MCPH1: variants seen among roughly 807,000 people sequenced by gnomAD.
MCPH1 encodes the protein microcephalin 1, also known as microcephalin.
A neutral mutation model predicts 84.5 loss-of-function variants in MCPH1; 104 were observed. That is an observed-to-expected ratio of 1.23 (90% CI 1.05 to 1.45). MCPH1 has a LOEUF of 1.45. Among genes scored for constraint, MCPH1 ranks in the 40% most tolerant of loss-of-function variants. The pLI, the probability that MCPH1 is intolerant of heterozygous loss-of-function variation, is 0.00. For synonymous variants in MCPH1, 514 were observed against 366.8 expected (o/e 1.40, Z -4.58); for missense variants, 1,498 against 1,005.7 (o/e 1.49, Z -6.62).
chr8:6,455,107 A>G, intron 8 of MCPH1, 36 bp from the exon 9 acceptor site: 1 of 1,515,718 alleles, frequency 6.6e-7, no homozygotes, highest in Non-Finnish European at 9.2e-7. Context: ...GGTCCATGTA[A>G]AGTTCTAACT....
intron 7 of MCPH1, 130 bp downstream of exon 7, chr8:6,442,286 C>G (rs1294652095): frequency 7.6e-6 from 5 of 659,854 alleles, no homozygotes; most frequent in Middle Eastern, 6.7e-4. Flanking sequence ...TCTAAATTTC[C>G]CCCTGAAATT....
chr8:6,537,120 C>A (rs1820644826), intron 12 of MCPH1, among the ~76,000 whole-genome samples: 1 of 152,074 alleles, frequency 6.6e-6, no homozygotes, highest in Non-Finnish European at 1.5e-5. Flanking sequence ...TTGAACCTCC[C>A]GTGGGAGGGG....
chr8:6,477,588 C>T lies in MCPH1; in HGVS notation c.1936-6C>T. On this transcript the variant is annotated splice_polypyrimidine_tract_variant and splice_region_variant and intron_variant, in intron 9 of 13. Coordinates refer to ENST00000344683, the MANE Select transcript of MCPH1 (RefSeq NM_024596.5). The stretch of plus-strand genomic sequence containing the variant: ...TTTTTTGTTCCTTCTTGTTTGAAAT[C>T]TCTAGCCAACAAGAACATTAGTCAT... 1 of 1,611,738 alleles carries T rather than the reference C, an allele frequency of 6.2e-7. No individual in the cohort carries two copies. Among genetic ancestry groups the T allele is most frequent in the Non-Finnish European group, 8.5e-7 (1 of 1,178,462 alleles).
chr8:6,413,943 C>T (rs1296960536), intron 2 of MCPH1, among the ~76,000 whole-genome samples: 2 of 152,060 alleles, frequency 1.3e-5, no homozygotes, highest in Middle Eastern at 3.2e-3. Context: ...TTAGTAGAGA[C>T]AGGGTTTTTC....
intron 11 of MCPH1, among the ~76,000 whole-genome samples, chr8:6,486,878 A>G (rs537109148): frequency 6.6e-6 from 1 of 152,344 alleles, no homozygotes; most frequent in East Asian, 1.9e-4. Flanking sequence ...GAACCTTTAA[A>G]TACTCTTTAT....
intron 11 of MCPH1, among the ~76,000 whole-genome samples, chr8:6,490,540 A>C (rs1163535174): frequency 6.6e-6 from 1 of 152,166 alleles, no homozygotes; most frequent in Non-Finnish European, 1.5e-5. Context: ...TTAGCTTTTG[A>C]AGAGAGCTGA....
rs904479185 is a variant in MCPH1, at chr8:6,647,113, TAAAG to T, written c.*4068_*4071del. On this transcript the variant is annotated 3_prime_UTR_variant, in exon 14 of 14. Transcript: ENST00000344683. ...AACTCATAACTCATTAATAAAAGGA[TAAAG>T]AAAAAGCTGAAGACAATTCATGCAA... 2.6e-5 allele frequency: 4 copies of T among 151,814 alleles called. No individual in the cohort carries two copies. The highest frequency in any genetic ancestry group is 9.7e-5 in the African/African-American group (4 of 41,292). 9.4% of individuals were successfully genotyped at this position (151,814 alleles called of 1,614,324 possible). A position where few individuals can be genotyped will look rare whatever the true frequency, so the allele number is the denominator to read the frequency against.
chr8:6,411,999 A>C (rs1563167413), intron 2 of MCPH1, among the ~76,000 whole-genome samples: 1 of 152,144 alleles, frequency 6.6e-6, no homozygotes, highest in Non-Finnish European at 1.5e-5. Flanking sequence ...GAGAAAAGAT[A>C]ATCGAAGGCA....
intron 12 of MCPH1, among the ~76,000 whole-genome samples, chr8:6,607,811 G>A (rs1829914927): frequency 1.3e-5 from 2 of 152,216 alleles, no homozygotes; most frequent in South Asian, 4.1e-4. Flanking sequence ...GGCCTCCCCA[G>A]GCAGGTGGAA....
intron 12 of MCPH1, among the ~76,000 whole-genome samples, chr8:6,539,895 A>G (rs1821227227): frequency 6.6e-6 from 1 of 152,206 alleles, no homozygotes; most frequent in Non-Finnish European, 1.5e-5. Context: ...CCATTTAATA[A>G]TTTATGAGTG....
intron 12 of MCPH1, chr8:6,502,801 TGGTTGTG>T: frequency 2.6e-6 from 1 of 384,068 alleles, no homozygotes; most frequent in Non-Finnish European, 4.8e-6. Flanking sequence ...ATAACATTCT[TGGTTGTG>T]ACAGCAGCGT....
At chr8:6,503,440 T>G (rs1812604152) in intron 12 of MCPH1, among the ~76,000 whole-genome samples, 1 of 152,178 alleles carries the variant, frequency 6.6e-6, no homozygotes, top group South Asian at 2.1e-4. Context: ...CATACACCCA[T>G]GACATCACAG....
intron 12 of MCPH1, among the ~76,000 whole-genome samples, chr8:6,609,575 C>T (rs1830072654): frequency 6.6e-6 from 1 of 152,206 alleles, no homozygotes; most frequent in African/African-American, 2.4e-5. Context: ...TACATTCCGC[C>T]TTCCTTTAAC....
intron 12 of MCPH1, among the ~76,000 whole-genome samples, chr8:6,587,595 T>C (rs1411768130): frequency 6.6e-6 from 1 of 152,246 alleles, no homozygotes; most frequent in Non-Finnish European, 1.5e-5. Flanking sequence ...TGTATGTAGC[T>C]ATAAATCACT....
At chr8:6,564,554 A>G (rs932443268) in intron 12 of MCPH1, among the ~76,000 whole-genome samples, 1 of 142,594 alleles carries the variant, frequency 7.0e-6, no homozygotes, top group African/African-American at 2.5e-5. Flanking sequence ...CCAAGTGTAC[A>G]TAGGGAAAAA....
Position 6,477,636 on chromosome 8 carries a change from G to T in MCPH1, c.1973+5G>T. 2 of 1,611,596 alleles carry T rather than the reference G, an allele frequency of 1.2e-6. No individual in the cohort carries two copies. Among genetic ancestry groups the T allele is most frequent in the South Asian group, 1.1e-5 (1 of 91,002 alleles). ...CATGACAAGCATGCCATCTGAGTAAGTACTTGTTTTGATTTCTGTTCAATG... is the reference window on the plus strand; with the variant it reads ...CATGACAAGCATGCCATCTGAGTAATTACTTGTTTTGATTTCTGTTCAATG... On this transcript the variant is annotated splice_donor_5th_base_variant and intron_variant, in intron 10 of 13. Transcript: ENST00000344683.
chr8:6,553,665 A>ATTTT (rs752171739), intron 12 of MCPH1, among the ~76,000 whole-genome samples: 1 of 142,934 alleles, frequency 7.0e-6, no homozygotes, highest in Non-Finnish European at 1.5e-5. Context: ...TGGTCTCAAA[A>ATTTT]TTTTTTTTTT....
At chr8:6,487,669 G>T (rs1333190797) in intron 11 of MCPH1, among the ~76,000 whole-genome samples, 1 of 152,184 alleles carries the variant, frequency 6.6e-6, no homozygotes, top group African/African-American at 2.4e-5. Flanking sequence ...AGGTCTCTCT[G>T]GCAGACATTT....
chr8:6,519,701 C>T (rs1412041460), intron 12 of MCPH1, among the ~76,000 whole-genome samples: 1 of 152,232 alleles, frequency 6.6e-6, no homozygotes, highest in Non-Finnish European at 1.5e-5. Flanking sequence ...ACTTAGAGCC[C>T]TTGGCAAGCA....
Sources: allele counts gnomAD v4.1 joint callset (sites outside exome capture counted in the v4.1 genomes callset), GRCh38; gene constraint gnomAD v4.1.1; transcripts MANE v1.5; gene names NCBI Gene and HGNC (gene_info 2026-07-23, HGNC 2026-07-21).